Variants in PPP2R2C observed in about 807,000 individuals in gnomAD.
PPP2R2C encodes the protein protein phosphatase 2, regulatory subunit B, gamma.
PPP2R2C carries 10 observed loss-of-function variants against 45.3 expected under a neutral mutation model. The observed-to-expected ratio is 0.22, with a 90% CI of 0.14 to 0.37. The LOEUF (loss-of-function observed/expected upper bound fraction) is 0.37. PPP2R2C is among the 10% of genes least tolerant of loss of function. The probability of loss-of-function intolerance (pLI) is 1.00; values close to 1 mark genes in which losing one functional copy is unlikely to be tolerated. For missense variants in PPP2R2C, 308 were observed against 619.7 expected (o/e 0.50, Z 5.34); for synonymous variants, 257 against 245.4 (o/e 1.05, Z -0.44).
At position 6,364,853 on chromosome 4, in the gene PPP2R2C, C is replaced by G. The variant is rs974002323; in HGVS notation, c.625+7670G>C. Among the ~76,000 whole-genome samples the G allele has an allele frequency of 3.9e-5, 6 of 152,144 alleles. No homozygotes were observed. Among genetic ancestry groups the G allele is most frequent in the African/African-American group, 1.4e-4 (6 of 41,442 alleles). ...TAAACACATGCTGGGGGCAGACAGG[C>G]AGGTGGGCTCTGGGTGCATTTGGAC... On this transcript the variant is annotated intron_variant, in intron 5 of 8. Coordinates refer to ENST00000382599, the MANE Select transcript of PPP2R2C (RefSeq NM_020416.4). This position sits in a 1 kb window ranked among gnomAD's most constrained non-coding sequence, Gnocchi z 5.3.
At chr4:6,413,867 T>C (rs1360714268) in intron 1 of PPP2R2C, 8 of 1,535,820 alleles carry the variant, frequency 5.2e-6, no homozygotes, top group Non-Finnish European at 6.1e-6. Context: ...ATGGGGACCC[T>C]CCCAACTCTC....
chr4:6,401,702 C>T (rs1214727805), intron 1 of PPP2R2C, among the ~76,000 whole-genome samples: 1 of 152,176 alleles, frequency 6.6e-6, no homozygotes, highest in Admixed American at 6.5e-5. Context: ...AGGGACCACA[C>T]CAATGAGTGG....
intron 5 of PPP2R2C, among the ~76,000 whole-genome samples, chr4:6,370,513 CACA>C (rs1294672456): frequency 3.3e-5 from 5 of 152,168 alleles, no homozygotes; most frequent in African/African-American, 1.2e-4. Flanking sequence ...CCTGGCCAAT[CACA>C]ACAAGGCATT....
intron 1 of PPP2R2C, among the ~76,000 whole-genome samples, chr4:6,446,442 C>G (rs1220419009): frequency 6.6e-6 from 1 of 152,110 alleles, no homozygotes; most frequent in Non-Finnish European, 1.5e-5. Context: ...GGGGAACAGA[C>G]GGATCCTTGC....
At chr4:6,389,327 C>T (rs1716440569) in intron 1 of PPP2R2C, among the ~76,000 whole-genome samples, 1 of 152,242 alleles carries the variant, frequency 6.6e-6, no homozygotes, top group Non-Finnish European at 1.5e-5. Flanking sequence ...CCTCGTCCAT[C>T]ACCATAAGTG....
intron 5 of PPP2R2C, among the ~76,000 whole-genome samples, chr4:6,370,357 G>A (rs986470788): frequency 6.6e-5 from 10 of 152,192 alleles, no homozygotes; most frequent in South Asian, 6.2e-4. Flanking sequence ...TAAACTGTAC[G>A]GTACGGTCCA....
At chr4:6,512,405 TGG>T (rs1328482568) in intron 2 of PPP2R2C, among the ~76,000 whole-genome samples, 1 of 46,432 alleles carries the variant, frequency 2.2e-5, no homozygotes, top group Non-Finnish European at 4.3e-5. Flanking sequence ...GTGGTGGTGA[TGG>T]TGGTGGTGGT....
chr4:6,364,696 C>T lies in PPP2R2C; in HGVS notation c.625+7827G>A, dbSNP rs1337024103. Among the ~76,000 whole-genome samples, 1 of 152,168 alleles carries T rather than the reference C, an allele frequency of 6.6e-6. No individual in the cohort carries two copies. Among genetic ancestry groups the T allele is most frequent in the African/African-American group, 2.4e-5 (1 of 41,432 alleles). On this transcript the variant is annotated intron_variant, in intron 5 of 8. Coordinates refer to ENST00000382599, the MANE Select transcript of PPP2R2C (RefSeq NM_020416.4). This position sits in a 1 kb window ranked among gnomAD's most constrained non-coding sequence, Gnocchi z 5.3. ...AGGTGAGGAGCTGAGGCACAGAGAA[C>T]CCAAGTGAGCTGCCCGAGGCCGCGG...
chr4:6,400,530 G>T (rs2109348737), intron 1 of PPP2R2C, among the ~76,000 whole-genome samples: 1 of 152,254 alleles, frequency 6.6e-6, no homozygotes, highest in East Asian at 1.9e-4. Flanking sequence ...GTGTAAAAAG[G>T]GGTCCTAAGA....
At chr4:6,334,958 C>A (rs907935920) in intron 6 of PPP2R2C, among the ~76,000 whole-genome samples, 1 of 152,182 alleles carries the variant, frequency 6.6e-6, no homozygotes, top group Non-Finnish European at 1.5e-5. Context: ...AATGGCAGCA[C>A]CCCATTCTCC....
intron 5 of PPP2R2C, among the ~76,000 whole-genome samples, chr4:6,358,477 T>C (rs1713424567): frequency 1.5e-5 from 2 of 136,620 alleles, no homozygotes; most frequent in African/African-American, 5.6e-5. Context: ...AAAGCCAAAA[T>C]AGACAAATGG....
chr4:6,493,323 C>T (rs920283639), intron 2 of PPP2R2C, among the ~76,000 whole-genome samples: 2 of 151,814 alleles, frequency 1.3e-5, no homozygotes, highest in South Asian at 4.2e-4. Flanking sequence ...TTGTCTGTCT[C>T]CCTCAATCAG....
chr4:6,409,575 T>A (rs1169319756), intron 1 of PPP2R2C, among the ~76,000 whole-genome samples: 1 of 152,082 alleles, frequency 6.6e-6, no homozygotes, highest in African/African-American at 2.4e-5. Flanking sequence ...TGGGGACAGG[T>A]CTCTGCAGGA....
chr4:6,438,672 G>A (rs1481873053), intron 1 of PPP2R2C, among the ~76,000 whole-genome samples: 5 of 152,164 alleles, frequency 3.3e-5, no homozygotes, highest in African/African-American at 7.2e-5. Context: ...CCAGTCATCT[G>A]TCCCAACCCC....
rs568620126 is a variant in PPP2R2C, at chr4:6,538,521, C to T, written c.-58-3144G>A. ...TGGTGGGAAGGGAACAAAATCAATC[C>T]CCTGCTATTTTCACTAGGCAAAGGA... On this transcript the variant is annotated intron_variant, in intron 1 of 9. Coordinates refer to the PPP2R2C transcript ENST00000506140. Among the ~76,000 whole-genome samples the T allele has an allele frequency of 1.3e-5, 2 of 148,338 alleles. 1 individual carries two copies. Among genetic ancestry groups the T allele is most frequent in the South Asian group, 4.4e-4 (2 of 4,568 alleles).
rs1732398508 is a variant in PPP2R2C at position 6,331,297 on chromosome 4, TCA to T, written c.961-1946_961-1945del. Among the ~76,000 whole-genome samples, 1 of 152,108 alleles carries T rather than the reference TCA, an allele frequency of 6.6e-6. No individual in the cohort carries two copies. The highest frequency in any genetic ancestry group is 1.5e-5 in the Non-Finnish European group (1 of 68,026). On this transcript the variant is annotated intron_variant, in intron 7 of 8. Coordinates refer to ENST00000382599, the MANE Select transcript of PPP2R2C (RefSeq NM_020416.4). The surrounding 1 kb of genome is among the most constrained non-coding windows in gnomAD (Gnocchi z 5.9). ...TAAGGTCCGCTGCTTGCTGGCTCTG[TCA>T]CAGATTTGCCATTTAACTCAATTGT...
At chr4:6,470,225 G>A (rs761663297) in intron 1 of PPP2R2C, among the ~76,000 whole-genome samples, 1 of 152,178 alleles carries the variant, frequency 6.6e-6, no homozygotes, top group Non-Finnish European at 1.5e-5. Flanking sequence ...GCCGCACAAG[G>A]GCAGGGAGTC....
intron 1 of PPP2R2C, chr4:6,383,235 A>AC (rs1238753012): frequency 1.4e-5 from 17 of 1,190,366 alleles, no homozygotes; most frequent in Middle Eastern, 2.6e-4. Flanking sequence ...GTGCAGAAGA[A>AC]CCCCCCCAAC....
chr4:6,401,893 T>C (rs1717439166), intron 1 of PPP2R2C, among the ~76,000 whole-genome samples: 1 of 152,196 alleles, frequency 6.6e-6, no homozygotes, highest in South Asian at 2.1e-4. Flanking sequence ...GATGCCTTCA[T>C]ACCTCACACA....
Sources: allele counts gnomAD v4.1 joint callset (sites outside exome capture counted in the v4.1 genomes callset), GRCh38; gene constraint gnomAD v4.1.1; non-coding constraint Gnocchi (gnomAD v3.1); transcripts MANE v1.5; gene names NCBI Gene and HGNC (gene_info 2026-07-23, HGNC 2026-07-21).